CHODL: variants seen among roughly 807,000 people sequenced by gnomAD.
CHODL encodes the protein chondrolectin, also known as transmembrane protein MT75.
CHODL carries 29 observed loss-of-function variants against 34.5 expected under a neutral mutation model. The ratio of observed to expected loss-of-function variants is 0.84; its 90% CI spans 0.63 to 1.15. CHODL has a LOEUF of 1.15. CHODL is among the 50% of genes most tolerant of loss of function. The probability of loss-of-function intolerance (pLI) is 0.00; values close to 1 mark genes in which losing one functional copy is unlikely to be tolerated. For synonymous variants in CHODL, 125 were observed against 116.1 expected (o/e 1.08, Z -0.49); for missense variants, 332 against 332.5 (o/e 1.00, Z 0.01).
chr21:18,010,334 A>T (rs1397347181), intron 1 of CHODL, among the ~76,000 whole-genome samples: 1 of 147,948 alleles, frequency 6.8e-6, no homozygotes, highest in East Asian at 2.0e-4. Context: ...AAGAAAAAGG[A>T]AAAAAAAAGA....
intron 2 of CHODL, among the ~76,000 whole-genome samples, chr21:18,073,965 T>G (rs2064835658): frequency 6.6e-6 from 1 of 151,936 alleles, no homozygotes; most frequent in Non-Finnish European, 1.5e-5. Flanking sequence ...TAGAAGGTCA[T>G]TTTTTTTCTT....
intron 2 of CHODL, among the ~76,000 whole-genome samples, chr21:18,136,677 T>A (rs1456872357): frequency 6.8e-6 from 1 of 147,754 alleles, no homozygotes; most frequent in East Asian, 2.0e-4. Context: ...GTAGACTATT[T>A]ACAGAGTAGC....
intron 2 of CHODL, among the ~76,000 whole-genome samples, chr21:18,220,416 CTCTTATT>C (rs984677881): frequency 2.2e-4 from 34 of 152,044 alleles, no homozygotes; most frequent in African/African-American, 8.0e-4. Flanking sequence ...CTTTCTTTCT[CTCTTATT>C]TCTTATCTTA....
intron 2 of CHODL, among the ~76,000 whole-genome samples, chr21:18,030,405 G>T (rs1308978017): frequency 6.6e-6 from 1 of 152,166 alleles, no homozygotes; most frequent in Admixed American, 6.5e-5. Context: ...AGGCTGGCTA[G>T]ACCTGCTAGG....
chr21:18,056,085 G>A (rs913218499), intron 2 of CHODL, among the ~76,000 whole-genome samples: 11 of 151,924 alleles, frequency 7.2e-5, no homozygotes, highest in African/African-American at 2.7e-4. Context: ...GTTGTTTCTT[G>A]ATAAAGGATT....
chr21:18,148,450 TA>T, intron 2 of CHODL, among the ~76,000 whole-genome samples: 1 of 152,134 alleles, frequency 6.6e-6, no homozygotes, highest in Admixed American at 6.6e-5. Context: ...AATGATAGAA[TA>T]CAATTTAATT....
intron 1 of CHODL, among the ~76,000 whole-genome samples, chr21:18,013,914 C>T (rs905242936): frequency 2.6e-5 from 4 of 152,056 alleles, no homozygotes; most frequent in Non-Finnish European, 5.9e-5. Flanking sequence ...GGATTACCGG[C>T]GTGAGCCACC....
intron 2 of CHODL, among the ~76,000 whole-genome samples, chr21:18,086,827 T>C (rs574721896): frequency 2.6e-5 from 4 of 152,298 alleles, no homozygotes; most frequent in African/African-American, 9.6e-5. Flanking sequence ...GGCTGATTCT[T>C]GGGCCTCCAG....
At chr21:18,034,721 A>C (rs2064289719) in intron 2 of CHODL, 1 of 152,098 alleles carries the variant, frequency 6.6e-6, no homozygotes, top group Non-Finnish European at 1.5e-5. Flanking sequence ...ACAGCTTTCT[A>C]TATAAATTGT....
chr21:18,163,064 C>A (rs2073115103), intron 2 of CHODL, among the ~76,000 whole-genome samples: 1 of 152,152 alleles, frequency 6.6e-6, no homozygotes, highest in African/African-American at 2.4e-5. Flanking sequence ...ATCTATATAG[C>A]CATTCTACTG....
intron 2 of CHODL, among the ~76,000 whole-genome samples, chr21:18,059,059 A>G (rs902679521): frequency 6.6e-6 from 1 of 152,198 alleles, no homozygotes; most frequent in African/African-American, 2.4e-5. Context: ...TAGTGTGGCT[A>G]TATTTCCAGA....
At chr21:18,094,007 C>G (rs2065107437) in intron 2 of CHODL, among the ~76,000 whole-genome samples, 1 of 151,790 alleles carries the variant, frequency 6.6e-6, no homozygotes, top group South Asian at 2.1e-4. Context: ...TACACATAGA[C>G]TGAAAATAAA....
intron 2 of CHODL, among the ~76,000 whole-genome samples, chr21:18,238,233 A>G (rs552940274): frequency 6.6e-6 from 1 of 152,186 alleles, no homozygotes; most frequent in East Asian, 1.9e-4. Context: ...ACTGATGCGC[A>G]TATTAGTCCA....
chr21:18,178,233 G>A (rs898894570), intron 2 of CHODL, among the ~76,000 whole-genome samples: 15 of 152,234 alleles, frequency 9.9e-5, no homozygotes, highest in African/African-American at 2.4e-4. Flanking sequence ...TGAAAAGTCC[G>A]TATTCTACAG....
rs1601234679 is a variant in CHODL, at chr21:18,266,976, G to C, written c.*938G>C. ...CCCACTAAACAAAGATGGTTGTTCG[G>C]GGTTTGGGATTGACACTGGAGGCAG... is the stretch of plus-strand genomic sequence containing the variant. On this transcript the variant is annotated 3_prime_UTR_variant, in exon 6 of 6. Coordinates refer to ENST00000299295, the MANE Select transcript of CHODL (RefSeq NM_024944.3). The C allele has an allele frequency of 1.3e-5, 2 of 152,310 alleles. No homozygotes were observed. Among genetic ancestry groups the C allele is most frequent in the Middle Eastern group, 3.4e-3 (1 of 294 alleles). 9.4% of individuals were successfully genotyped at this position (152,310 alleles called of 1,614,324 possible). A position where few individuals can be genotyped will look rare whatever the true frequency, so the allele number is the denominator to read the frequency against.
intron 2 of CHODL, among the ~76,000 whole-genome samples, chr21:18,050,714 G>C (rs963406864): frequency 1.3e-5 from 2 of 151,914 alleles, no homozygotes; most frequent in Non-Finnish European, 2.9e-5. Context: ...TCATGATTAA[G>C]AAGGGGTGTT....
intron 1 of CHODL, among the ~76,000 whole-genome samples, chr21:17,974,892 T>C (rs2063648330): frequency 6.7e-6 from 1 of 149,374 alleles, no homozygotes; most frequent in Non-Finnish European, 1.5e-5. Context: ...TAAAAAGACA[T>C]TAATTCTGAG....
intron 1 of CHODL, among the ~76,000 whole-genome samples, chr21:17,940,509 A>G (rs1040714795): frequency 1.3e-5 from 2 of 152,228 alleles, no homozygotes; most frequent in Non-Finnish European, 1.5e-5. Flanking sequence ...AGGAGATTAT[A>G]TAGTGGTAGA....
intron 2 of CHODL, among the ~76,000 whole-genome samples, chr21:18,065,037 T>C (rs2064714647): frequency 2.0e-5 from 3 of 152,160 alleles, no homozygotes; most frequent in Admixed American, 2.0e-4. Context: ...CTGATAATGG[T>C]GGTTGCACTA....
Sources: gnomAD v4.1 joint callset for allele counts (sites outside exome capture counted in the v4.1 genomes callset) on GRCh38, gnomAD v4.1.1 for gene constraint, MANE v1.5 for transcripts, NCBI Gene and HGNC (gene_info 2026-07-23, HGNC 2026-07-21) for gene names.